Variants in HERC2 observed in about 807,000 individuals in gnomAD.
HERC2 encodes E3 ubiquitin-protein ligase HERC2.
Under a neutral mutation model 537.7 loss-of-function variants are expected in HERC2, and 102 were observed. That is an observed-to-expected ratio of 0.19 (90% CI 0.16 to 0.22). HERC2 has a LOEUF of 0.22. HERC2 is among the 10% of genes least tolerant of loss of function. The pLI, the probability that HERC2 is intolerant of heterozygous loss-of-function variation, is 1.00. For synonymous variants in HERC2, 2,224 were observed against 2,466.2 expected, an observed-to-expected ratio of 0.90 and a Z score of 2.91; for missense variants, 4,236 against 6,198.2, an observed-to-expected ratio of 0.68 and a Z score of 10.63.
intron 35 of HERC2, among the ~76,000 whole-genome samples, chr15:28,227,904 T>C (rs1901387958): frequency 6.6e-6 from 1 of 152,082 alleles, no homozygotes; most frequent in Non-Finnish European, 1.5e-5. Flanking sequence ...ATCCAGGATA[T>C]GCAAATCCAT....
At position 28,176,895 on chromosome 15, in the gene HERC2, C is replaced by A; in HGVS notation, c.9432+55G>T. Reference sequence around the variant, plus strand: ...TTCCTAGACTTGAAGCTTATTTTCTCTTGACATCTTCAGATGGTAAGCTTT... The same window carrying A: ...TTCCTAGACTTGAAGCTTATTTTCTATTGACATCTTCAGATGGTAAGCTTT... On this transcript the variant is annotated intron_variant, in intron 61 of 92. Transcript: ENST00000261609. The surrounding 1 kb of genome is among the most constrained non-coding windows in gnomAD (Gnocchi z 5.0). 6.3e-7 allele frequency: 1 copy of A among 1,589,524 alleles called. No homozygotes were observed. The highest frequency in any genetic ancestry group is 8.6e-7 in the Non-Finnish European group (1 of 1,162,744).
At chr15:28,157,283 C>A (rs1186000029) in intron 69 of HERC2, among the ~76,000 whole-genome samples, 1 of 152,228 alleles carries the variant, frequency 6.6e-6, no homozygotes, top group Non-Finnish European at 1.5e-5. Context: ...AGGATTCCCT[C>A]TTTTTCTATT....
intron 3 of HERC2, among the ~76,000 whole-genome samples, chr15:28,293,781 G>C (rs565083645): frequency 8.5e-5 from 13 of 152,280 alleles, no homozygotes; most frequent in South Asian, 8.3e-4. Flanking sequence ...GAGGCACTGT[G>C]ACTGATAGCA....
intron 2 of HERC2, among the ~76,000 whole-genome samples, chr15:28,307,871 G>C (rs57291038): frequency 0.086 from 13,017 of 151,138 alleles, 2 homozygotes; most frequent in East Asian, 0.43. Flanking sequence ...GTAGATGTGC[G>C]GATTTGTTTC....
At chr15:28,134,768 T>G (rs1414312239) in intron 79 of HERC2, among the ~76,000 whole-genome samples, 4 of 149,524 alleles carry the variant, frequency 2.7e-5, no homozygotes, top group Non-Finnish European at 4.4e-5. Context: ...AGTGGCGCAA[T>G]CTCGGCTCAC....
intron 64 of HERC2, 71 bp downstream of exon 64, chr15:28,175,441 A>T: frequency 7.1e-7 from 1 of 1,406,510 alleles, no homozygotes; most frequent in Non-Finnish European, 9.9e-7. Flanking sequence ...AACAGGACGA[A>T]GGCCGTGTCA....
intron 9 of HERC2, among the ~76,000 whole-genome samples, chr15:28,271,509 A>C (rs1468592932): frequency 2.6e-5 from 4 of 152,070 alleles, no homozygotes; most frequent in African/African-American, 9.7e-5. Context: ...TTTACTAAAA[A>C]TACAAATATA....
At chr15:28,132,356 G>T (rs887239697) in intron 80 of HERC2, 95 bp from the exon 81 acceptor site, 1 of 1,205,902 alleles carries the variant, frequency 8.3e-7, no homozygotes. Context: ...TTTTATGGGG[G>T]TACCTGTTTT....
intron 79 of HERC2, among the ~76,000 whole-genome samples, chr15:28,135,024 CCT>C (rs757241998): frequency 1.3e-5 from 2 of 152,038 alleles, no homozygotes; most frequent in Non-Finnish European, 2.9e-5. Flanking sequence ...TAAGAAGGCC[CCT>C]GTTACTCCAA....
intron 68 of HERC2, among the ~76,000 whole-genome samples, chr15:28,164,336 C>T (rs193244818): frequency 6.6e-6 from 1 of 152,200 alleles, no homozygotes; most frequent in African/African-American, 2.4e-5. Context: ...GGAAACCACA[C>T]CACTCTGATT....
chr15:28,213,598 A>G, intron 42 of HERC2, 144 bp downstream of exon 42: 1 of 1,451,070 alleles, frequency 6.9e-7, no homozygotes, highest in Middle Eastern at 2.4e-4. Flanking sequence ...CCTGCTTACC[A>G]CAGAAGCACA....
At chr15:28,228,112 T>C in intron 35 of HERC2, 106 bp downstream of exon 35, 1 of 994,272 alleles carries the variant, frequency 1.0e-6, no homozygotes, top group South Asian at 1.6e-5. Flanking sequence ...TGTCTTACCA[T>C]AATTTACAAA....
Position 28,213,772 on chromosome 15 carries a change from A to G in HERC2, c.6756T>C (p.Cys2252=). 6.2e-7 allele frequency: 1 copy of G among 1,614,008 alleles called. No homozygotes were observed. The highest frequency in any genetic ancestry group is 1.7e-5 in the Admixed American group (1 of 60,020). ...TCAGCTGATTCAATGGGCAAACGCGACACGTCCGCATGTCAGAGAACTGCA... is the reference window on the plus strand; with the variant it reads ...TCAGCTGATTCAATGGGCAAACGCGGCACGTCCGCATGTCAGAGAACTGCA... ...ITVQFSDMRT[C]RVCPLNQLKP... is the part of the protein sequence containing the mutation. The change falls in exon 42 of 93, where the codon TGT becomes TGC. Residue 2252 remains cysteine, a synonymous_variant. Coordinates refer to ENST00000261609, the MANE Select transcript of HERC2 (RefSeq NM_004667.6).
At chr15:28,115,396 C>G (rs369012761) in intron 89 of HERC2, 33 bp downstream of exon 89, 14 of 1,490,194 alleles carry the variant, frequency 9.4e-6, no homozygotes, top group African/African-American at 1.4e-5. Context: ...TAACAAGACC[C>G]TAGAGGCCCC....
chr15:28,144,520 C>A (rs776342268), intron 72 of HERC2, among the ~76,000 whole-genome samples, 153 bp downstream of exon 72: 1 of 152,200 alleles, frequency 6.6e-6, no homozygotes, highest in Non-Finnish European at 1.5e-5. Context: ...GTGTTCTGTT[C>A]CACGCCTCAG....
At position 28,121,383 on chromosome 15, in the gene HERC2, C is replaced by T. The variant is rs773154583; in HGVS notation, c.13235G>A (p.Arg4412His). The T allele has an allele frequency of 8.7e-6, 14 of 1,614,200 alleles. No homozygotes were observed. Among genetic ancestry groups the T allele is most frequent in the East Asian group, 2.2e-5 (1 of 44,878 alleles). The change falls in exon 86 of 93, where the codon CGT becomes CAT. Residue 4412 changes from arginine (R) to histidine (H), a missense_variant. Around this residue, in one of 27 missense-constraint regions of HERC2, gnomAD observed 189 missense variants for 255.7 expected, o/e 0.74. Transcript: ENST00000261609. ...CAGCTCCACGACGGGGCCATGCTGA[C>T]GATCGCGTACCATAGTTGCTTGTAC... The part of the protein sequence containing the change: ...KVVQATMVRD[R>H]QHGPVVELNR...
intron 27 of HERC2, 131 bp downstream of exon 27, chr15:28,233,939 C>T (rs1020567429): frequency 2.9e-6 from 2 of 684,650 alleles, no homozygotes; most frequent in Non-Finnish European, 5.2e-6. Context: ...AGGTTCTCAC[C>T]TCAAAACCCT....
At chr15:28,116,612 C>CA in intron 88 of HERC2, 53 bp downstream of exon 88, 1 of 1,487,040 alleles carries the variant, frequency 6.7e-7, no homozygotes, top group East Asian at 2.3e-5. Context: ...CATTTTAACT[C>CA]AAGAGCAGGC....
intron 14 of HERC2, among the ~76,000 whole-genome samples, chr15:28,263,896 G>T (rs938141207): frequency 6.6e-6 from 1 of 151,720 alleles, no homozygotes; most frequent in African/African-American, 2.4e-5. Context: ...GCCAGGCATG[G>T]TGGTGAATAT....
Sources: allele counts gnomAD v4.1 joint callset (sites outside exome capture counted in the v4.1 genomes callset), GRCh38; gene constraint gnomAD v4.1.1; regional missense constraint gnomAD v4.1.1; non-coding constraint Gnocchi (gnomAD v3.1); transcripts MANE v1.5; gene names NCBI Gene and HGNC (gene_info 2026-07-23, HGNC 2026-07-21).